Variants in ACSM1 observed in about 807,000 individuals in gnomAD.
The protein encoded by ACSM1 is acyl-coenzyme A synthetase ACSM1, mitochondrial.
A neutral mutation model predicts 75.8 loss-of-function variants in ACSM1; 79 were observed. The ratio of observed to expected loss-of-function variants is 1.04; its 90% CI spans 0.87 to 1.26. The LOEUF is 1.26. Among genes scored for constraint, ACSM1 ranks in the 50% most tolerant of loss-of-function variants. ACSM1 has a pLI of 0.00. For missense variants in ACSM1, 676 were observed against 720.1 expected, an observed-to-expected ratio of 0.94 and a Z score of 0.70; for synonymous variants, 279 against 265.8, an observed-to-expected ratio of 1.05 and a Z score of -0.48.
At chr16:20,639,041 G>A (rs2017901605) in intron 8 of ACSM1, among the ~76,000 whole-genome samples, 2 of 152,202 alleles carry the variant, frequency 1.3e-5, no homozygotes, top group Admixed American at 6.5e-5. Flanking sequence ...AGCTGAGTAT[G>A]TGAGTTGGCA....
Position 20,627,195 on chromosome 16 carries a change from G to A in ACSM1, c.1421C>T (p.Ala474Val), listed in dbSNP as rs752963497. The A allele has an allele frequency of 1.3e-6, 2 of 1,557,946 alleles. No homozygotes were observed. Among genetic ancestry groups the A allele is most frequent in the East Asian group, 2.5e-5 (1 of 39,238 alleles). ...CAGCATCAGCCACACCTACCCAGAG[G>A]CATTAATGATGTCATCACTCCTCCC... ...FLGRSDDIIN[A>V]SGYRIGPAEV... Residue 474 changes from alanine to valine, a missense_variant, in exon 11 of 14, where the codon GCC (alanine) becomes GTC (valine). Ala to Val is a moderately conservative substitution (Grantham distance 64, BLOSUM62 0). Coordinates refer to ENST00000520010, the MANE Select transcript of ACSM1 (RefSeq NM_001318890.3).
intron 1 of ACSM1, among the ~76,000 whole-genome samples, chr16:20,693,101 C>A (rs1390612735): frequency 6.6e-6 from 1 of 150,556 alleles, no homozygotes; most frequent in African/African-American, 2.5e-5. Flanking sequence ...ACCTGGGAGT[C>A]GGAGGTTGCA....
chr16:20,632,610 AAAG>A (rs1317737921), intron 10 of ACSM1, among the ~76,000 whole-genome samples: 1 of 152,240 alleles, frequency 6.6e-6, no homozygotes, highest in East Asian at 1.9e-4. Flanking sequence ...ACAAATATTT[AAAG>A]AAGAATTAAG....
intron 10 of ACSM1, among the ~76,000 whole-genome samples, chr16:20,632,022 C>T (rs891103889): frequency 6.6e-6 from 1 of 152,144 alleles, no homozygotes; most frequent in Non-Finnish European, 1.5e-5. Context: ...GCACTAACAC[C>T]ATTCATGAGG....
chr16:20,672,601 A>T (rs1201344065), intron 4 of ACSM1, among the ~76,000 whole-genome samples: 1 of 132,634 alleles, frequency 7.5e-6, no homozygotes, highest in Non-Finnish European at 1.5e-5. Context: ...ATATACTTAC[A>T]TGTCATATAT....
At chr16:20,672,623 T>C (rs2020012203) in intron 4 of ACSM1, among the ~76,000 whole-genome samples, 1 of 131,818 alleles carries the variant, frequency 7.6e-6, no homozygotes, top group Non-Finnish European at 1.5e-5. Flanking sequence ...AATATAATTA[T>C]AGGATATATA....
intron 7 of ACSM1, among the ~76,000 whole-genome samples, chr16:20,649,144 C>T (rs2018511668): frequency 1.3e-5 from 2 of 151,848 alleles, no homozygotes; most frequent in African/African-American, 4.8e-5. Flanking sequence ...CTATGGCCCT[C>T]ACAGAATGTT....
At chr16:20,668,169 A>C (rs1003723269) in intron 6 of ACSM1, among the ~76,000 whole-genome samples, 1 of 152,164 alleles carries the variant, frequency 6.6e-6, no homozygotes, top group Non-Finnish European at 1.5e-5. Flanking sequence ...AAAAATTTAA[A>C]AGACTTTTTG....
At chr16:20,635,608 CTTT>C (rs2017642341) in intron 10 of ACSM1, among the ~76,000 whole-genome samples, 1 of 99,214 alleles carries the variant, frequency 1.0e-5, no homozygotes, top group Non-Finnish European at 2.1e-5. Flanking sequence ...TTCTTTCTTT[CTTT>C]CTTTCTTTCT....
At chr16:20,650,578 A>G (rs1409859630) in intron 7 of ACSM1, among the ~76,000 whole-genome samples, 8 of 152,014 alleles carry the variant, frequency 5.3e-5, no homozygotes, top group Non-Finnish European at 1.0e-4. Context: ...AGGACTCTGT[A>G]GTGATACACG....
chr16:20,635,612 CTT>C lies in ACSM1; in HGVS notation c.1299+1125_1299+1126del, dbSNP rs1567251794. ...TCTTTCTTTCTTTCTTTCTTTCTTT[CTT>C]TCTTTCTTTCTTTCTTTCTTTCTTT... On this transcript the variant is annotated intron_variant, in intron 10 of 13. Transcript: ENST00000520010. Among the ~76,000 whole-genome samples the C allele has an allele frequency of 1.2e-3, 122 of 103,748 alleles. 5 individuals are homozygous for C. In the South Asian group the frequency reaches 0.037, roughly 32 times the overall value. The allele number at this position is 103,748 out of a possible 152,430, so 68.1% of individuals were successfully genotyped here. A position where few individuals can be genotyped will look rare whatever the true frequency, so the allele number is the denominator to read the frequency against.
Position 20,636,857 on chromosome 16 carries a change from G to A in ACSM1, c.1198-17C>T, listed in dbSNP as rs1159731696. On this transcript the variant is annotated splice_polypyrimidine_tract_variant and intron_variant, in intron 9 of 13. Coordinates refer to ENST00000520010, the MANE Select transcript of ACSM1 (RefSeq NM_001318890.3). ...ATCAATGACCTGTAGCAAGAGGCCTGTGAATCATACACTGCAGGAGGCCGC... is the reference window on the plus strand; with the variant it reads ...ATCAATGACCTGTAGCAAGAGGCCTATGAATCATACACTGCAGGAGGCCGC... The A allele has an allele frequency of 6.2e-7, 1 of 1,602,482 alleles. No homozygotes were observed. Among genetic ancestry groups the A allele is most frequent in the Admixed American group, 1.7e-5 (1 of 60,008 alleles).
chr16:20,626,928 TC>T (rs902962815), intron 11 of ACSM1, among the ~76,000 whole-genome samples: 1 of 151,668 alleles, frequency 6.6e-6, no homozygotes, highest in African/African-American at 2.4e-5. Context: ...TCAATTCCAC[TC>T]CCCCCACCCC....
chr16:20,639,099 TG>T (rs1347068324), intron 8 of ACSM1, among the ~76,000 whole-genome samples: 1 of 152,198 alleles, frequency 6.6e-6, no homozygotes, highest in African/African-American at 2.4e-5. Context: ...TCATCCTTTA[TG>T]TGCTAGAGGG....
At chr16:20,660,789 T>C (rs2019256706) in intron 7 of ACSM1, among the ~76,000 whole-genome samples, 2 of 152,200 alleles carry the variant, frequency 1.3e-5, no homozygotes, top group Admixed American at 1.3e-4. Context: ...AAAAGATACA[T>C]AAATATCCAT....
intron 7 of ACSM1, among the ~76,000 whole-genome samples, chr16:20,661,026 G>A (rs1397859462): frequency 6.6e-6 from 1 of 152,144 alleles, no homozygotes; most frequent in Non-Finnish European, 1.5e-5. Context: ...GTATTGTGTT[G>A]TATCAGTGTG....
At chr16:20,689,959 CTTCA>C (rs1364784392) in intron 2 of ACSM1, among the ~76,000 whole-genome samples, 1 of 152,184 alleles carries the variant, frequency 6.6e-6, no homozygotes, top group Non-Finnish European at 1.5e-5. Context: ...ACCTCAGTTT[CTTCA>C]TTAAGGAAAT....
chr16:20,666,771 A>G (rs2019588307), intron 6 of ACSM1, among the ~76,000 whole-genome samples: 1 of 152,210 alleles, frequency 6.6e-6, no homozygotes, highest in Non-Finnish European at 1.5e-5. Flanking sequence ...CAAATACACC[A>G]GTGAAACACA....
At chr16:20,665,938 T>C (rs959350316) in intron 6 of ACSM1, among the ~76,000 whole-genome samples, 2 of 152,148 alleles carry the variant, frequency 1.3e-5, no homozygotes, top group Non-Finnish European at 2.9e-5. Flanking sequence ...CCAATCTCTC[T>C]TCATGATAAA....
Sources: gnomAD v4.1 joint callset for allele counts (sites outside exome capture counted in the v4.1 genomes callset) on GRCh38, gnomAD v4.1.1 for gene constraint, MANE v1.5 for transcripts, NCBI Gene and HGNC (gene_info 2026-07-23, HGNC 2026-07-21) for gene names.